RP1: variants seen among roughly 807,000 people sequenced by gnomAD.
RP1 encodes oxygen-regulated protein 1.
Under a neutral mutation model 14.8 loss-of-function variants are expected in RP1, and 16 were observed. That is an observed-to-expected ratio of 1.08 (90% CI 0.73 to 1.65). The LOEUF is 1.65. RP1 is among the 40% of genes most tolerant of loss of function. The pLI, the probability that RP1 is intolerant of heterozygous loss-of-function variation, is 0.00. For missense variants in RP1, 2,631 were observed against 2,535.0 expected, an observed-to-expected ratio of 1.04 and a Z score of -0.81; for synonymous variants, 876 against 883.6, an observed-to-expected ratio of 0.99 and a Z score of 0.15.
intron 24 of RP1, among the ~76,000 whole-genome samples, chr8:54,799,702 A>G (rs1810657184): frequency 6.6e-6 from 1 of 151,966 alleles, no homozygotes; most frequent in Admixed American, 6.5e-5. Flanking sequence ...TCTATTTTAA[A>G]ATAATCTGAG....
Position 54,748,507 on chromosome 8 carries a change from C to T in RP1, c.2809-6296C>T, listed in dbSNP as rs142092637. Among the ~76,000 whole-genome samples, 536 of 152,238 alleles carry T rather than the reference C, an allele frequency of 3.5e-3. 2 individuals are homozygous for T. Among genetic ancestry groups the T allele is most frequent in the African/African-American group, 0.012 (504 of 41,546 alleles). ...TCAGTTGTAAATACCATAGTTGGTC[C>T]CCCTTGTACAGTCCTTGATAACAAA... On this transcript the variant is annotated intron_variant, in intron 19 of 22. Transcript: ENST00000636932.
At chr8:54,678,620 G>C in intron 9 of RP1, 1 of 1,096,310 alleles carries the variant, frequency 9.1e-7, no homozygotes, top group Non-Finnish European at 1.3e-6. Context: ...AACTTATTTA[G>C]TTGTTCCTAG....
At position 54,842,269 on chromosome 8, in the gene RP1, G is replaced by A. The variant is rs149678626; in HGVS notation, c.3835+4600G>A. Among the ~76,000 whole-genome samples the A allele has an allele frequency of 2.5e-4, 38 of 152,256 alleles. No individual in the cohort carries two copies. The East Asian group carries it at 5.4e-3, about 22-fold the overall frequency. ...GTCTCCATCACTGGCTATGTGAATC[G>A]GGGCAAGTGGCCAGGTTTTCTGAGT... On this transcript the variant is annotated intron_variant, in intron 25 of 28. Transcript: ENST00000637698.
intron 28 of RP1, among the ~76,000 whole-genome samples, chr8:54,867,731 T>C (rs1260311236): frequency 2.0e-5 from 3 of 152,222 alleles, no homozygotes; most frequent in Non-Finnish European, 4.4e-5. Context: ...AGATCATGTG[T>C]CTAGTATTTA....
downstream of RP1, among the ~76,000 whole-genome samples, chr8:54,773,497 T>G (rs1015052658): frequency 1.3e-5 from 2 of 151,822 alleles, no homozygotes; most frequent in Non-Finnish European, 2.9e-5. Flanking sequence ...ATTAGCTGAG[T>G]GTGGTAGTGC....
intron 24 of RP1, among the ~76,000 whole-genome samples, chr8:54,790,150 C>G (rs1037067193): frequency 6.6e-6 from 1 of 152,210 alleles, no homozygotes; most frequent in Non-Finnish European, 1.5e-5. Context: ...GGAGCCCAAC[C>G]AGAAGTTCTG....
intron 1 of RP1, among the ~76,000 whole-genome samples, chr8:54,598,476 A>C (rs1805200891): frequency 6.6e-6 from 1 of 152,228 alleles, no homozygotes; most frequent in Non-Finnish European, 1.5e-5. Context: ...AAAATATTAT[A>C]CTTTTGCTTC....
At chr8:54,696,804 G>A (rs1807876595) in intron 12 of RP1, 4 of 729,980 alleles carry the variant, frequency 5.5e-6, no homozygotes, top group Non-Finnish European at 1.0e-5. Flanking sequence ...ATAGTGGAAC[G>A]TTATGTGACC....
intron 26 of RP1, among the ~76,000 whole-genome samples, chr8:54,853,226 T>A (rs967322719): frequency 1.1e-4 from 17 of 152,080 alleles, no homozygotes; most frequent in African/African-American, 3.9e-4. Flanking sequence ...GGAGGCCTCA[T>A]GGGGCTGGGA....
rs529912991 is a variant in RP1, at chr8:54,734,500, C to T, written c.2522-45C>T. ...CAGTGTGACAAAGGATTCTGTCAGC[C>T]TGATGTTATATCTGATCTGCCACTA... On this transcript the variant is annotated intron_variant, in intron 17 of 22. Transcript: ENST00000636932. 2.4e-3 allele frequency: 3,504 copies of T among 1,486,506 alleles called. 52 individuals are homozygous for T. Among genetic ancestry groups the T allele is most frequent in the South Asian group, 0.022 (1,701 of 76,538 alleles). The allele number at this position is 1,486,506 out of a possible 1,614,324, so 92.1% of individuals were successfully genotyped here.
At chr8:54,567,136 G>C (rs1020128498) in intron 1 of RP1, among the ~76,000 whole-genome samples, 1 of 152,186 alleles carries the variant, frequency 6.6e-6, no homozygotes, top group Non-Finnish European at 1.5e-5. Flanking sequence ...AGGGCAATTT[G>C]ACTTTTGCTT....
chr8:54,674,997 C>T (rs1213358906), intron 8 of RP1, among the ~76,000 whole-genome samples: 1 of 152,076 alleles, frequency 6.6e-6, no homozygotes, highest in African/African-American at 2.4e-5. Flanking sequence ...TGTTTTACTA[C>T]AATATTGAAA....
At chr8:54,578,472 T>A (rs1249479955) in intron 1 of RP1, among the ~76,000 whole-genome samples, 1 of 152,140 alleles carries the variant, frequency 6.6e-6, no homozygotes, top group Non-Finnish European at 1.5e-5. Flanking sequence ...CCTCCCAAAG[T>A]GCTAGGATTA....
downstream of RP1, among the ~76,000 whole-genome samples, chr8:54,774,261 G>A (rs991675377): frequency 1.3e-5 from 2 of 152,120 alleles, no homozygotes; most frequent in East Asian, 1.9e-4. Flanking sequence ...CCGTGGCACC[G>A]GGGAGCCTGG....
chr8:54,689,475 T>C (rs1807656522), intron 12 of RP1, among the ~76,000 whole-genome samples: 1 of 152,068 alleles, frequency 6.6e-6, no homozygotes, highest in Non-Finnish European at 1.5e-5. Flanking sequence ...GGGGCCTAAG[T>C]TGGCATACCC....
At chr8:54,621,692 T>G in intron 2 of RP1, 111 bp downstream of exon 2, 3 of 1,471,562 alleles carry the variant, frequency 2.0e-6, no homozygotes, top group Non-Finnish European at 2.8e-6. Context: ...CCTTCCTCCC[T>G]GCCTGTGTAT....
chr8:54,613,320 T>G (rs1197665671), upstream of RP1, among the ~76,000 whole-genome samples: 1 of 152,178 alleles, frequency 6.6e-6, no homozygotes, highest in African/African-American at 2.4e-5. Context: ...CCTGATATAG[T>G]CTGATCTCTG....
At chr8:54,838,737 T>C (rs1811725393) in intron 25 of RP1, among the ~76,000 whole-genome samples, 1 of 152,072 alleles carries the variant, frequency 6.6e-6, no homozygotes, top group African/African-American at 2.4e-5. Flanking sequence ...ATTCTTAGTG[T>C]CCTGAATCTC....
intron 19 of RP1, among the ~76,000 whole-genome samples, chr8:54,739,729 A>G: frequency 6.6e-6 from 1 of 152,106 alleles, no homozygotes; most frequent in Non-Finnish European, 1.5e-5. Context: ...ACACACACAC[A>G]TAGCACATAT....
Sources: allele counts gnomAD v4.1 joint callset (sites outside exome capture counted in the v4.1 genomes callset), GRCh38; gene constraint gnomAD v4.1.1; transcripts MANE v1.5; gene names NCBI Gene and HGNC (gene_info 2026-07-23, HGNC 2026-07-21).